PKIB: variants seen among roughly 807,000 people sequenced by gnomAD.
PKIB encodes the protein PKI-beta.
A neutral mutation model predicts 4.5 loss-of-function variants in PKIB; 2 were observed. That is an observed-to-expected ratio of 0.44 (90% CI 0.18 to 1.39). The LOEUF is 1.39. PKIB is among the 40% of genes most tolerant of loss of function. The probability of loss-of-function intolerance (pLI) is 0.27; values close to 1 mark genes in which losing one functional copy is unlikely to be tolerated. For missense variants in PKIB, 94 were observed against 92.6 expected (o/e 1.02, Z -0.06); for synonymous variants, 38 against 36.0 (o/e 1.06, Z -0.20).
chr6:122,576,710 A>T lies in PKIB; in HGVS notation c.-247-9211A>T, dbSNP rs868847319. Among the ~76,000 whole-genome samples, 360 of 109,954 alleles carry T rather than the reference A, an allele frequency of 3.3e-3. 21 individuals are homozygous for T. The highest frequency in any genetic ancestry group is 0.013 in the African/African-American group (340 of 25,248). The allele number at this position is 109,954 out of a possible 152,430, so 72.1% of individuals were successfully genotyped here. ...AAAAAATATATATATATATATATAT[A>T]TTTTCTTTTGTATAATTATACCTCA... On this transcript the variant is annotated intron_variant, in intron 2 of 6. Transcript: ENST00000392491.
intron 3 of PKIB, among the ~76,000 whole-genome samples, chr6:122,696,897 A>G (rs1778597258): frequency 6.6e-6 from 1 of 152,204 alleles, no homozygotes; most frequent in South Asian, 2.1e-4. Context: ...AGAAAGGAAC[A>G]TGCTATTAGT....
chr6:122,503,424 GTT>G (rs1776304600), intron 2 of PKIB, among the ~76,000 whole-genome samples: 1 of 152,134 alleles, frequency 6.6e-6, no homozygotes, highest in Admixed American at 6.5e-5. Context: ...AAATATTTCT[GTT>G]TATTAAAACT....
At chr6:122,705,104 A>G (rs1779002018) in intron 3 of PKIB, among the ~76,000 whole-genome samples, 1 of 152,180 alleles carries the variant, frequency 6.6e-6, no homozygotes, top group African/African-American at 2.4e-5. Flanking sequence ...CATCTATTTA[A>G]TAATCCTTAG....
chr6:122,538,311 G>C (rs567421493), intron 2 of PKIB, among the ~76,000 whole-genome samples: 6 of 152,172 alleles, frequency 3.9e-5, no homozygotes, highest in African/African-American at 1.4e-4. Flanking sequence ...TATGATTTTA[G>C]ATCTAACATG....
At chr6:122,721,564 A>T (rs969932593) in intron 4 of PKIB, among the ~76,000 whole-genome samples, 1 of 152,156 alleles carries the variant, frequency 6.6e-6, no homozygotes, top group South Asian at 2.1e-4. Flanking sequence ...TTGCAGAATT[A>T]TTGTTCTGGG....
intron 2 of PKIB, among the ~76,000 whole-genome samples, chr6:122,486,916 T>C (rs1225249136): frequency 2.7e-5 from 4 of 150,276 alleles, no homozygotes; most frequent in Non-Finnish European, 4.5e-5. Context: ...ATGTTAACCT[T>C]TTGCCACACT....
At chr6:122,552,801 CTT>C (rs1239146127) in intron 2 of PKIB, among the ~76,000 whole-genome samples, 1 of 152,148 alleles carries the variant, frequency 6.6e-6, no homozygotes, top group Non-Finnish European at 1.5e-5. Flanking sequence ...AAGGCATCCT[CTT>C]TGCATCCAGG....
At chr6:122,500,897 C>A (rs1429854378) in intron 2 of PKIB, among the ~76,000 whole-genome samples, 1 of 151,966 alleles carries the variant, frequency 6.6e-6, no homozygotes, top group Non-Finnish European at 1.5e-5. Context: ...AGAGAGAGAG[C>A]AAAGGTGGAA....
At chr6:122,523,498 A>G (rs1240628171) in intron 2 of PKIB, among the ~76,000 whole-genome samples, 1 of 152,150 alleles carries the variant, frequency 6.6e-6, no homozygotes, top group Non-Finnish European at 1.5e-5. Context: ...ATGATAGTTA[A>G]TAAGTCTCAT....
intron 2 of PKIB, chr6:122,482,544 A>ATTTTTTTTTT (rs571676167): frequency 1.9e-5 from 2 of 103,722 alleles, no homozygotes; most frequent in African/African-American, 4.0e-5. Context: ...TTTAGGTTGG[A>ATTTTTTTTTT]TTTTTTTTTT....
chr6:122,644,601 T>C (rs1314110872), intron 2 of PKIB: 1 of 152,256 alleles, frequency 6.6e-6, no homozygotes, highest in African/African-American at 2.4e-5. Context: ...ATTTGTAAAG[T>C]ACTTAGAATA....
intron 3 of PKIB, among the ~76,000 whole-genome samples, chr6:122,689,560 G>GC (rs1778239801): frequency 1.3e-5 from 2 of 151,994 alleles, no homozygotes; most frequent in African/African-American, 4.8e-5. Context: ...CCATGTGTTT[G>GC]TATAGGTTCC....
chr6:122,613,634 A>G (rs1450259331), intron 1 of PKIB, among the ~76,000 whole-genome samples: 2 of 148,244 alleles, frequency 1.3e-5, no homozygotes, highest in East Asian at 1.9e-4. Context: ...TCCCCATAAA[A>G]TCAAAGACAG....
At chr6:122,492,058 G>C (rs1297606649) in intron 2 of PKIB, among the ~76,000 whole-genome samples, 1 of 152,130 alleles carries the variant, frequency 6.6e-6, no homozygotes, top group African/African-American at 2.4e-5. Context: ...TTATTCAGAG[G>C]CTTAAGCCAC....
At chr6:122,688,774 GA>G (rs1450723364) in intron 3 of PKIB, among the ~76,000 whole-genome samples, 1 of 146,450 alleles carries the variant, frequency 6.8e-6, no homozygotes, top group African/African-American at 2.5e-5. Context: ...AGCCACTAAT[GA>G]GCCTTTCTTT....
intron 2 of PKIB, chr6:122,643,278 T>C (rs1371718797): frequency 6.6e-6 from 1 of 152,212 alleles, no homozygotes; most frequent in Non-Finnish European, 1.5e-5. Flanking sequence ...AGGACTGCCA[T>C]TAACCAGCTA....
At chr6:122,604,625 G>T (rs1207574482) in intron 3 of PKIB, among the ~76,000 whole-genome samples, 1 of 152,124 alleles carries the variant, frequency 6.6e-6, no homozygotes, top group Non-Finnish European at 1.5e-5. Flanking sequence ...GCTTAATTTC[G>T]ATTTAATAAG....
At chr6:122,567,800 G>A (rs1773238139) in intron 2 of PKIB, among the ~76,000 whole-genome samples, 1 of 152,126 alleles carries the variant, frequency 6.6e-6, no homozygotes, top group African/African-American at 2.4e-5. Context: ...AATTGAGCAT[G>A]CTTGAAAATA....
intron 2 of PKIB, among the ~76,000 whole-genome samples, chr6:122,647,057 C>G (rs1300192854): frequency 6.6e-6 from 1 of 151,894 alleles, no homozygotes; most frequent in African/African-American, 2.4e-5. Context: ...AGATGAAAAA[C>G]AGAGAAACAG....
Sources: gnomAD v4.1 joint callset for allele counts (sites outside exome capture counted in the v4.1 genomes callset) on GRCh38, gnomAD v4.1.1 for gene constraint, MANE v1.5 for transcripts, NCBI Gene and HGNC (gene_info 2026-07-23, HGNC 2026-07-21) for gene names.